MIPOL1: variants seen among roughly 807,000 people sequenced by gnomAD.
MIPOL1 encodes the protein mirror-image polydactyly gene 1 protein.
A neutral mutation model predicts 60.9 loss-of-function variants in MIPOL1; 57 were observed. The ratio of observed to expected loss-of-function variants is 0.94; its 90% confidence interval spans 0.76 to 1.17. The LOEUF is 1.17. Ranked by LOEUF, MIPOL1 falls within the 50% of genes most tolerant of loss-of-function variation. The probability of loss-of-function intolerance (pLI) is 0.00; values close to 1 mark genes in which losing one functional copy is unlikely to be tolerated. For missense variants in MIPOL1, 551 were observed against 511.6 expected (o/e 1.08, Z -0.74); for synonymous variants, 179 against 168.8 (o/e 1.06, Z -0.47).
intron 9 of MIPOL1, among the ~76,000 whole-genome samples, chr14:37,319,853 A>T (rs1423447657): frequency 6.6e-6 from 1 of 152,056 alleles, no homozygotes; most frequent in African/African-American, 2.4e-5. Flanking sequence ...TTCTGTCTCC[A>T]TGGGTCATTT....
At chr14:37,436,336 A>G (rs1159616795) in intron 11 of MIPOL1, among the ~76,000 whole-genome samples, 1 of 152,150 alleles carries the variant, frequency 6.6e-6, no homozygotes, top group African/African-American at 2.4e-5. Context: ...ATTCCTTCAT[A>G]TTTCAATAAA....
intron 9 of MIPOL1, among the ~76,000 whole-genome samples, chr14:37,356,515 G>A (rs1360074112): frequency 4.6e-5 from 7 of 152,208 alleles, no homozygotes; most frequent in Middle Eastern, 3.4e-3. Context: ...CCTCGCTGCC[G>A]CCTTGCAGTT....
chr14:37,237,455 T>A (rs1258255598), intron 1 of MIPOL1, among the ~76,000 whole-genome samples: 1 of 152,164 alleles, frequency 6.6e-6, no homozygotes, highest in Non-Finnish European at 1.5e-5. Context: ...TTGGTTGCTG[T>A]AAACCTTTGA....
chr14:37,258,124 G>T (rs546093668), intron 3 of MIPOL1, among the ~76,000 whole-genome samples: 46 of 152,236 alleles, frequency 3.0e-4, no homozygotes, highest in African/African-American at 1.0e-3. Context: ...CTAACATTGT[G>T]TTTCAGTGAT....
intron 12 of MIPOL1, among the ~76,000 whole-genome samples, chr14:37,520,666 G>A (rs1488410630): frequency 6.6e-6 from 1 of 151,826 alleles, no homozygotes; most frequent in African/African-American, 2.4e-5. Flanking sequence ...TTTTGCATTG[G>A]TATAAGATAA....
rs537561903 is a variant in MIPOL1 at position 37,533,719 on chromosome 14, T to C, written c.1263-13186T>C. On this transcript the variant is annotated intron_variant, in intron 12 of 12. Coordinates refer to ENST00000684589, the MANE Select transcript of MIPOL1 (RefSeq NM_001388067.1). ...ATAATTTTAAATGGGATCATTGAAA[T>C]GGTTGGCATTGAATTTGTTTTTTCC... 3.3e-5 allele frequency among the ~76,000 whole-genome samples: 5 copies of C among 152,308 alleles called. No homozygotes were observed. In the South Asian group the frequency reaches 1.0e-3, roughly 32 times the overall value.
Position 37,378,766 on chromosome 14 carries a change from T to C in MIPOL1, c.936+9142T>C, listed in dbSNP as rs570855433. 3.1e-3 allele frequency among the ~76,000 whole-genome samples: 467 copies of C among 151,962 alleles called. 3 individuals carry two copies. Among genetic ancestry groups the C allele is most frequent in the African/African-American group, 9.6e-3 (400 of 41,488 alleles). ...AAGAAGGTACTTTCCTAGCAAAATA[T>C]ACAGGCCACTAAAATTGACTTAAGA... On this transcript the variant is annotated intron_variant, in intron 10 of 12. Coordinates refer to ENST00000684589, the MANE Select transcript of MIPOL1 (RefSeq NM_001388067.1).
chr14:37,425,341 G>T (rs1171418419), intron 11 of MIPOL1, among the ~76,000 whole-genome samples: 1 of 152,082 alleles, frequency 6.6e-6, no homozygotes, highest in Admixed American at 6.6e-5. Context: ...AATCATTTTT[G>T]AAAATCATAA....
chr14:37,392,132 CA>C (rs1216730703), intron 10 of MIPOL1, among the ~76,000 whole-genome samples: 1 of 151,536 alleles, frequency 6.6e-6, no homozygotes, highest in African/African-American at 2.4e-5. Context: ...TCTGTATTTA[CA>C]AAAAAAATCC....
chr14:37,355,526 T>C (rs866863119), intron 9 of MIPOL1, among the ~76,000 whole-genome samples: 1 of 151,334 alleles, frequency 6.6e-6, no homozygotes, highest in African/African-American at 2.4e-5. Flanking sequence ...CCATTCTCCC[T>C]GTCACTTTCA....
At chr14:37,546,819 A>C in intron 12 of MIPOL1, 86 bp from the exon 13 acceptor site, 3 of 1,075,186 alleles carry the variant, frequency 2.8e-6, no homozygotes, top group Non-Finnish European at 4.2e-6. Flanking sequence ...GGTCACAGGC[A>C]AATACTGTCC....
chr14:37,247,750 CT>C, intron 2 of MIPOL1, 78 bp from the exon 3 acceptor site: 1 of 705,902 alleles, frequency 1.4e-6, no homozygotes, highest in Non-Finnish European at 2.3e-6. Flanking sequence ...TGTAAATTCT[CT>C]GTTAAACAAA....
chr14:37,227,297 A>C (rs1274551946), intron 1 of MIPOL1, among the ~76,000 whole-genome samples: 1 of 152,178 alleles, frequency 6.6e-6, no homozygotes, highest in African/African-American at 2.4e-5. Context: ...TTTCCCCCAA[A>C]GAGGTGATCA....
At chr14:37,288,200 C>T (rs1008818255) in intron 7 of MIPOL1, among the ~76,000 whole-genome samples, 1 of 145,666 alleles carries the variant, frequency 6.9e-6, no homozygotes, top group East Asian at 2.1e-4. Context: ...AGAGATGGGG[C>T]CTTGCTGTGT....
intron 11 of MIPOL1, among the ~76,000 whole-genome samples, chr14:37,441,616 T>G (rs964084567): frequency 6.6e-6 from 1 of 152,184 alleles, no homozygotes; most frequent in African/African-American, 2.4e-5. Flanking sequence ...ACCTGTGGCA[T>G]GCTGTTTTCG....
chr14:37,441,044 G>A (rs1204806242), intron 11 of MIPOL1, among the ~76,000 whole-genome samples: 1 of 151,998 alleles, frequency 6.6e-6, no homozygotes, highest in African/African-American at 2.4e-5. Flanking sequence ...ATACCTATTG[G>A]CTATTTGTGT....
chr14:37,307,894 A>G (rs1293374134), intron 7 of MIPOL1, among the ~76,000 whole-genome samples, 162 bp from the exon 8 acceptor site: 4 of 152,046 alleles, frequency 2.6e-5, no homozygotes, highest in African/African-American at 9.7e-5. Context: ...TTATTGAAAG[A>G]TGGAGTCGAG....
intron 1 of MIPOL1, among the ~76,000 whole-genome samples, chr14:37,213,542 T>C (rs990720987): frequency 6.6e-6 from 1 of 151,448 alleles, no homozygotes; most frequent in Non-Finnish European, 1.5e-5. Flanking sequence ...GAAAAAAGAA[T>C]AAAAAAACAA....
intron 6 of MIPOL1, among the ~76,000 whole-genome samples, chr14:37,279,756 C>T (rs548844577): frequency 1.3e-5 from 2 of 152,142 alleles, no homozygotes; most frequent in South Asian, 2.1e-4. Context: ...GTCTGATTAA[C>T]GTATTCACCA....
Sources: gnomAD v4.1 joint callset for allele counts (sites outside exome capture counted in the v4.1 genomes callset) on GRCh38, gnomAD v4.1.1 for gene constraint, MANE v1.5 for transcripts, NCBI Gene and HGNC (gene_info 2026-07-23, HGNC 2026-07-21) for gene names.